The following DLG2 variants were observed in gnomAD, a reference collection of about 807,000 sequenced individuals.
The protein encoded by DLG2 is discs large MAGUK scaffold protein 2.
In DLG2, 45 loss-of-function variants were observed where a neutral mutation model predicts 132.5. The observed-to-expected ratio is 0.34, with a 90% CI of 0.27 to 0.44. DLG2 has a LOEUF of 0.44. DLG2 is among the 20% of genes least tolerant of loss of function. The pLI is 1.00. For missense variants in DLG2, 1,045 were observed against 1,196.9 expected (o/e 0.87, Z 1.87); for synonymous variants, 424 against 419.6 (o/e 1.01, Z -0.13).
chr11:84,910,106 G>A (rs1211729771), intron 6 of DLG2, among the ~76,000 whole-genome samples: 1 of 152,216 alleles, frequency 6.6e-6, no homozygotes, highest in Non-Finnish European at 1.5e-5. Context: ...GAGGAAATTG[G>A]AGGTGGGCAG....
rs112850290 is a variant in DLG2 at position 83,928,113 on chromosome 11, A to T, written c.1496+2215T>A. On this transcript the variant is annotated intron_variant, in intron 15 of 27. Transcript: ENST00000376104. ...ATGACTGTTTTTCTACAAAGATAAG[A>T]TAAAGAATAAGATAATGGAAAAAGA... 7.3e-4 allele frequency among the ~76,000 whole-genome samples: 111 copies of T among 152,190 alleles called. 1 individual carries two copies. The highest frequency in any genetic ancestry group is 2.4e-3 in the African/African-American group (98 of 41,550).
intron 7 of DLG2, among the ~76,000 whole-genome samples, chr11:84,270,234 A>C (rs2097702197): frequency 6.6e-6 from 1 of 152,222 alleles, no homozygotes; most frequent in Admixed American, 6.5e-5. Flanking sequence ...TTATTCATGC[A>C]TTTAATAAAT....
intron 7 of DLG2, among the ~76,000 whole-genome samples, chr11:84,348,481 C>A (rs975746558): frequency 2.6e-5 from 4 of 152,132 alleles, no homozygotes; most frequent in Middle Eastern, 3.2e-3. Context: ...ATTCAGGGAT[C>A]TCTGGAATAA....
At chr11:84,502,961 A>G (rs1046681577) in intron 7 of DLG2, among the ~76,000 whole-genome samples, 11 of 152,336 alleles carry the variant, frequency 7.2e-5, no homozygotes, top group African/African-American at 2.6e-4. Context: ...CCTAATTAGA[A>G]TAGACAGAAA....
chr11:85,141,116 C>G (rs1435808191), intron 5 of DLG2, among the ~76,000 whole-genome samples: 2 of 151,754 alleles, frequency 1.3e-5, no homozygotes, highest in African/African-American at 4.8e-5. Context: ...ATGGTAATTT[C>G]TATTTTTAAT....
chr11:85,022,332 G>C (rs907185006), intron 6 of DLG2, among the ~76,000 whole-genome samples: 2 of 151,890 alleles, frequency 1.3e-5, no homozygotes, highest in African/African-American at 4.8e-5. Context: ...TCTTAAAATA[G>C]AAAATGAAAT....
chr11:84,588,572 C>T (rs1424199833), intron 6 of DLG2, among the ~76,000 whole-genome samples: 2 of 152,092 alleles, frequency 1.3e-5, no homozygotes, highest in Admixed American at 6.6e-5. Flanking sequence ...TGAACCAGAG[C>T]AGCTCCATTT....
chr11:83,640,827 T>C (rs2066289363), intron 18 of DLG2, among the ~76,000 whole-genome samples: 1 of 152,164 alleles, frequency 6.6e-6, no homozygotes, highest in African/African-American at 2.4e-5. Flanking sequence ...CATGTTAAAA[T>C]GGACAAATTG....
chr11:83,874,415 C>A lies in DLG2; in HGVS notation c.1565+5G>T. The A allele has an allele frequency of 3.8e-6, 6 of 1,590,616 alleles. No individual in the cohort carries two copies. Among genetic ancestry groups the A allele is most frequent in the Non-Finnish European group, 5.1e-6 (6 of 1,165,496 alleles). ...AGTTTAAGAGGTTCTGTATTATTAT[C>A]TTACCCTTCCAGGGAGACGGCCCGT... On this transcript the variant is annotated splice_donor_5th_base_variant and intron_variant, in intron 16 of 27. Transcript: ENST00000376104.
intron 3 of DLG2, among the ~76,000 whole-genome samples, chr11:85,546,122 G>C (rs771451279): frequency 2.0e-5 from 3 of 152,074 alleles, no homozygotes; most frequent in Non-Finnish European, 4.4e-5. Flanking sequence ...TCTCTTGTGG[G>C]CATTTAGTGC....
intron 6 of DLG2, among the ~76,000 whole-genome samples, chr11:84,650,444 C>T (rs2099680113): frequency 6.6e-6 from 1 of 152,100 alleles, no homozygotes; most frequent in African/African-American, 2.4e-5. Flanking sequence ...ATCTTAATTA[C>T]TGAATTGAGA....
intron 6 of DLG2, among the ~76,000 whole-genome samples, chr11:84,969,729 T>C (rs1464600349): frequency 6.6e-6 from 1 of 152,194 alleles, no homozygotes; most frequent in Non-Finnish European, 1.5e-5. Context: ...ACATGTTTAC[T>C]GCAGCAGTGT....
intron 19 of DLG2, among the ~76,000 whole-genome samples, chr11:83,611,637 C>A (rs948425893): frequency 1.3e-5 from 2 of 152,076 alleles, no homozygotes; most frequent in African/African-American, 4.8e-5. Flanking sequence ...TGCTAAATTG[C>A]CAGTTAGAAA....
intron 3 of DLG2, among the ~76,000 whole-genome samples, chr11:85,496,842 G>A (rs910581586): frequency 1.3e-5 from 2 of 152,120 alleles, no homozygotes; most frequent in Non-Finnish European, 2.9e-5. Context: ...AGGCCTGTCT[G>A]TTAGAAGGAA....
intron 4 of DLG2, among the ~76,000 whole-genome samples, chr11:85,165,732 A>G (rs1164324780): frequency 1.3e-5 from 2 of 152,188 alleles, no homozygotes; most frequent in African/African-American, 4.8e-5. Flanking sequence ...CAGCAACTAT[A>G]TATTTTTAAA....
At chr11:84,928,577 A>T (rs995352642) in intron 6 of DLG2, among the ~76,000 whole-genome samples, 1 of 151,912 alleles carries the variant, frequency 6.6e-6, no homozygotes, top group Non-Finnish European at 1.5e-5. Context: ...GCTTCTTTTA[A>T]ATACCTAGAC....
At chr11:84,342,534 A>T (rs572538465) in intron 7 of DLG2, among the ~76,000 whole-genome samples, 94 of 152,314 alleles carry the variant, frequency 6.2e-4, no homozygotes, top group Non-Finnish European at 1.2e-3. Context: ...AAATGGCACA[A>T]TAATAATTTG....
chr11:85,012,547 A>T (rs2059227574), intron 6 of DLG2, among the ~76,000 whole-genome samples: 1 of 152,056 alleles, frequency 6.6e-6, no homozygotes, highest in Non-Finnish European at 1.5e-5. Flanking sequence ...ATACAATGTG[A>T]TAGGCATTAT....
intron 6 of DLG2, among the ~76,000 whole-genome samples, chr11:84,776,936 T>C (rs1245885502): frequency 6.6e-6 from 1 of 152,078 alleles, no homozygotes; most frequent in Non-Finnish European, 1.5e-5. Flanking sequence ...AGTGTAATTT[T>C]GTTATAAGCA....
Sources: allele counts gnomAD v4.1 joint callset (sites outside exome capture counted in the v4.1 genomes callset), GRCh38; gene constraint gnomAD v4.1.1; transcripts MANE v1.5; gene names NCBI Gene and HGNC (gene_info 2026-07-23, HGNC 2026-07-21).